Variants in DNAJB12 observed in about 807,000 individuals in gnomAD.
DNAJB12 encodes dnaJ homolog subfamily B member 12.
In DNAJB12, 14 loss-of-function variants were observed where a neutral mutation model predicts 40.6. The observed-to-expected ratio is 0.34, with a 90% CI of 0.23 to 0.54. DNAJB12 has a LOEUF of 0.54. Among genes scored for constraint, DNAJB12 ranks in the 20% least tolerant of loss-of-function variants. DNAJB12 has a pLI of 0.92. For synonymous variants in DNAJB12, 181 were observed against 199.5 expected (o/e 0.91, Z 0.78); for missense variants, 444 against 501.7 (o/e 0.89, Z 1.10).
chr10:72,354,791 C>A lies in DNAJB12; in HGVS notation c.107G>T (p.Arg36Leu). ...GCGAACTCGCGGCGTCGGATACAGC[C>A]GCTGTGCCTTCTCCAGGAAGCGGAG... The part of the protein sequence containing the change: ...RALRFLEKAQ[R>L]LYPTPRVRAL... The change falls in exon 1 of 9, where the codon CGG becomes CTG. Residue 36 changes from arginine to leucine, a missense_variant. By Grantham distance (102) the Arg-to-Leu change is moderately radical. Transcript: ENST00000444643. 6.2e-7 allele frequency: 1 copy of A among 1,613,602 alleles called. No homozygotes were observed. Among genetic ancestry groups the A allele is most frequent in the Non-Finnish European group, 8.5e-7 (1 of 1,179,798 alleles).
At chr10:72,341,443 G>A (rs1861637907) in intron 3 of DNAJB12, among the ~76,000 whole-genome samples, 4 of 152,130 alleles carry the variant, frequency 2.6e-5, no homozygotes, top group Admixed American at 2.6e-4. Flanking sequence ...AGGCCTCCTA[G>A]GAGTGTGGCC....
intron 7 of DNAJB12, 108 bp downstream of exon 7, chr10:72,336,416 G>C (rs974895942): frequency 8.1e-6 from 10 of 1,231,512 alleles, no homozygotes; most frequent in Non-Finnish European, 1.2e-5. Context: ...AGTGCCAGGG[G>C]CTGGGCCCTC....
chr10:72,334,701 G>GCCACTGCA, intron 8 of DNAJB12, 84 bp from the exon 9 acceptor site: 1 of 1,474,912 alleles, frequency 6.8e-7, no homozygotes, highest in Non-Finnish European at 8.9e-7. Context: ...AGCCCCCCTT[G>GCCACTGCA]CCACTGCACC....
chr10:72,337,567 G>A (rs1037746851), intron 6 of DNAJB12, among the ~76,000 whole-genome samples: 1 of 152,190 alleles, frequency 6.6e-6, no homozygotes, highest in Non-Finnish European at 1.5e-5. Context: ...ATTTCTAGTG[G>A]GCCAGACATT....
intron 1 of DNAJB12, among the ~76,000 whole-genome samples, chr10:72,347,125 G>A (rs557620709): frequency 4.6e-5 from 7 of 151,714 alleles, no homozygotes; most frequent in South Asian, 4.2e-4. Context: ...CCACCACGCC[G>A]GCTAATTGTA....
rs904972762 is a variant in DNAJB12, at chr10:72,334,319, C to T, written c.*329G>A. The T allele has an allele frequency of 2.1e-6, 1 of 485,856 alleles. No individual in the cohort carries two copies. Among genetic ancestry groups the T allele is most frequent in the Non-Finnish European group, 3.6e-6 (1 of 277,816 alleles). 30.1% of individuals were successfully genotyped at this position (485,856 alleles called of 1,614,324 possible). A position where few individuals can be genotyped will look rare whatever the true frequency, so the allele number is the denominator to read the frequency against. ...CTGGGTGCCCCCTCCCCCAGCCCTT[C>T]CCACTGATATCTGCTGCGAGTTTTA... On this transcript the variant is annotated 3_prime_UTR_variant, in exon 9 of 9. Coordinates refer to ENST00000444643, the MANE Select transcript of DNAJB12 (RefSeq NM_017626.7).
In DNAJB12 at chr10:72,335,486, C is replaced by T. The variant is rs765869834; in HGVS notation, c.*30+294G>A. On this transcript the variant is annotated intron_variant, in intron 8 of 8. Coordinates refer to ENST00000444643, the MANE Select transcript of DNAJB12 (RefSeq NM_017626.7). The surrounding 1 kb of genome is among the most constrained non-coding windows in gnomAD (Gnocchi z 4.4). Reference sequence around the variant, plus strand: ...GTGGACCAAGAAGCCCCGGGTGGCCCTCAGCAACAGTTTCAAGTTCCCACT... The same window carrying T: ...GTGGACCAAGAAGCCCCGGGTGGCCTTCAGCAACAGTTTCAAGTTCCCACT... The T allele has an allele frequency of 8.4e-5, 96 of 1,145,314 alleles. No homozygotes were observed. The highest frequency in any genetic ancestry group is 1.0e-4 in the Non-Finnish European group (94 of 924,526). 70.9% of individuals were successfully genotyped at this position (1,145,314 alleles called of 1,614,324 possible). A position where few individuals can be genotyped will look rare whatever the true frequency, so the allele number is the denominator to read the frequency against.
At position 72,335,213 on chromosome 10, in the gene DNAJB12, AC is replaced by A; in HGVS notation, c.*30+566del. ...GTCAGGGCCCGCGGCCCCTGCCGCCACCAAGACTGCCAGCTCCCACCCACCT... is the reference window on the plus strand; with the variant it reads ...GTCAGGGCCCGCGGCCCCTGCCGCCACAAGACTGCCAGCTCCCACCCACCT... On this transcript the variant is annotated intron_variant, in intron 8 of 8. Coordinates refer to ENST00000444643, the MANE Select transcript of DNAJB12 (RefSeq NM_017626.7). The surrounding 1 kb of genome is among the most constrained non-coding windows in gnomAD (Gnocchi z 4.4). 3 of 986,730 alleles carry A rather than the reference AC, an allele frequency of 3.0e-6. No individual in the cohort carries two copies. The highest frequency in any genetic ancestry group is 3.6e-6 in the Non-Finnish European group (3 of 830,514). 61.1% of individuals were successfully genotyped at this position (986,730 alleles called of 1,614,324 possible).
intron 2 of DNAJB12, among the ~76,000 whole-genome samples, chr10:72,344,010 C>A (rs781550224): frequency 3.9e-5 from 6 of 152,162 alleles, no homozygotes; most frequent in Non-Finnish European, 1.5e-5. Context: ...CTGTCTCAGC[C>A]CCCCAAAGTG....
At chr10:72,342,491 C>T (rs1861666178) in intron 3 of DNAJB12, among the ~76,000 whole-genome samples, 1 of 152,192 alleles carries the variant, frequency 6.6e-6, no homozygotes, top group African/African-American at 2.4e-5. Context: ...AACAGGGCTA[C>T]CTTGCTTCCC....
rs577799001 is a variant in DNAJB12, at chr10:72,335,789, G to A, written c.*21C>T. 1.5e-5 allele frequency: 24 copies of A among 1,613,336 alleles called. No homozygotes were observed. The highest frequency in any genetic ancestry group is 1.7e-4 in the Middle Eastern group (1 of 6,038). On this transcript the variant is annotated 3_prime_UTR_variant, in exon 8 of 9. Transcript: ENST00000444643. The surrounding 1 kb of genome is among the most constrained non-coding windows in gnomAD (Gnocchi z 4.4). ...CAGCCCTGGCTCATACTTGGACCTC[G>A]GTGGTGTGGCTGGCCCAGGACTATC...
intron 8 of DNAJB12, 136 bp from the exon 9 acceptor site, chr10:72,334,753 GCGGCC>G (rs1415550996): frequency 7.8e-6 from 11 of 1,402,066 alleles, no homozygotes; most frequent in Non-Finnish European, 9.2e-7. Context: ...AACCCCACTT[GCGGCC>G]TGCCCTCCTG....
rs754224359 is a variant in DNAJB12, at chr10:72,338,232, G to C, written c.803C>G (p.Ser268Cys). The C allele has an allele frequency of 1.2e-6, 2 of 1,614,096 alleles. No individual in the cohort carries two copies. The highest frequency in any genetic ancestry group is 1.7e-5 in the Admixed American group (1 of 60,024). ...LVSALSQLMV[S>C]SPPYSLSPRP... Reference sequence around the variant, plus strand: ...TGGACTCAGACTGTAGGGTGGACTGGAGACCATGAGCTGGCTGAGAGCTGA... The same window carrying C: ...TGGACTCAGACTGTAGGGTGGACTGCAGACCATGAGCTGGCTGAGAGCTGA... The change falls in exon 6 of 9, where the codon TCC becomes TGC. Residue 268 changes from serine to cysteine, a missense_variant. Ser to Cys is a moderately radical substitution (Grantham distance 112). Transcript: ENST00000444643.
chr10:72,336,655 C>G lies in DNAJB12; in HGVS notation c.875G>C (p.Gly292Ala), dbSNP rs759117231. The part of the protein sequence containing the change: ...HIHRRVTDHL[G>A]VVYYVGDTFS... ...AGTGTCTCCCACATAGTAGACGACA[C>G]CCAGGTGGTCAGTGACTCGCCTGTG... is the stretch of plus-strand genomic sequence containing the variant. The change falls in exon 7 of 9, where the codon GGT (glycine) becomes GCT (alanine). Residue 292 changes from glycine (G) to alanine (A), a missense_variant. Coordinates refer to ENST00000444643, the MANE Select transcript of DNAJB12 (RefSeq NM_017626.7). 6.2e-7 allele frequency: 1 copy of G among 1,614,134 alleles called. No homozygotes were observed. The highest frequency in any genetic ancestry group is 8.5e-7 in the Non-Finnish European group (1 of 1,179,990).
intron 7 of DNAJB12, 63 bp downstream of exon 7, chr10:72,336,459 CCT>C (rs1861476344): frequency 6.4e-7 from 1 of 1,551,362 alleles, no homozygotes; most frequent in African/African-American, 1.3e-5. Flanking sequence ...CTCTCCTTCC[CCT>C]GCTTTCCAGC....
intron 3 of DNAJB12, among the ~76,000 whole-genome samples, chr10:72,342,545 C>A (rs1041616880): frequency 2.0e-5 from 3 of 152,188 alleles, no homozygotes; most frequent in Non-Finnish European, 2.9e-5. Context: ...ACACTGCACA[C>A]CAGGTCTCGG....
At chr10:72,336,744 G>C in intron 6 of DNAJB12, 48 bp from the exon 7 acceptor site, 4 of 1,548,532 alleles carry the variant, frequency 2.6e-6, no homozygotes, top group Non-Finnish European at 3.5e-6. Context: ...CCCATGCCCA[G>C]GGCACTCTAG....
intron 1 of DNAJB12, 107 bp downstream of exon 1, chr10:72,354,634 GCGCGCCTCAGTGCGCAGGCGTAGC>G (rs1205759956): frequency 3.6e-6 from 3 of 823,434 alleles, no homozygotes; most frequent in South Asian, 1.8e-5. Flanking sequence ...AGCAGCCACC[GCGCGCCTCAGTGCGCAGGCGTAGC>G]CGCGCCTCGC....
At chr10:72,352,822 T>G (rs1156696976) in intron 1 of DNAJB12, among the ~76,000 whole-genome samples, 1 of 152,140 alleles carries the variant, frequency 6.6e-6, no homozygotes, top group East Asian at 1.9e-4. Context: ...TCTGCTGCAT[T>G]GAATGAGCAT....
Sources: allele counts gnomAD v4.1 joint callset (sites outside exome capture counted in the v4.1 genomes callset), GRCh38; gene constraint gnomAD v4.1.1; non-coding constraint Gnocchi (gnomAD v3.1); transcripts MANE v1.5; gene names NCBI Gene and HGNC (gene_info 2026-07-23, HGNC 2026-07-21).